SELENOV: variants seen among roughly 807,000 people sequenced by gnomAD.
The protein encoded by SELENOV is selenoprotein V.
In SELENOV, 25 loss-of-function variants were observed where a neutral mutation model predicts 21.6. The ratio of observed to expected loss-of-function variants is 1.16; its 90% CI spans 0.84 to 1.62. The LOEUF is 1.62. Among genes scored for constraint, SELENOV ranks in the 40% most tolerant of loss-of-function variants. The pLI, the probability that SELENOV is intolerant of heterozygous loss-of-function variation, is 0.00. For missense variants in SELENOV, 472 were observed against 459.0 expected, an observed-to-expected ratio of 1.03 and a Z score of -0.26; for synonymous variants, 227 against 216.9, an observed-to-expected ratio of 1.05 and a Z score of -0.41.
Position 39,515,179 on chromosome 19 carries a change from C to G in SELENOV, c.-34C>G. On this transcript the variant is annotated 5_prime_UTR_variant, in exon 1 of 6. Transcript: ENST00000335426. The surrounding 1 kb of genome is among the most constrained non-coding windows in gnomAD (Gnocchi z 5.1). ...CCAAAGAGGGAAGGCGGGCGGGACT[C>G]CCCAACCGGCTTGCCCCGGTCCCCC... is the stretch of plus-strand genomic sequence containing the variant. 2.2e-6 allele frequency: 3 copies of G among 1,361,136 alleles called. No individual in the cohort carries two copies. Among genetic ancestry groups the G allele is most frequent in the Non-Finnish European group, 3.1e-6 (3 of 982,734 alleles). The allele number at this position is 1,361,136 out of a possible 1,614,324, so 84.3% of individuals were successfully genotyped here. A position where few individuals can be genotyped will look rare whatever the true frequency, so the allele number is the denominator to read the frequency against.
Position 39,519,146 on chromosome 19 carries a change from T to G in SELENOV, c.1039T>G (p.Ter347GluextTer?), listed in dbSNP as rs377459414. The G allele has an allele frequency of 2.5e-5, 40 of 1,613,258 alleles. No individual in the cohort carries two copies. The African/African-American group carries it at 4.5e-4, about 18-fold the overall frequency. Reference sequence around the variant, plus strand: ...TATCGATGAGGAAATCAAGAAAAGGTAGCCGGCAAGGGGTGGAGCTGGAGG... The same window carrying G: ...TATCGATGAGGAAATCAAGAAAAGGGAGCCGGCAAGGGGTGGAGCTGGAGG... Residue 347 changes from the stop codon to glutamate (E), a stop_lost, in exon 5 of 6, where the codon TAG becomes GAG. Transcript: ENST00000335426.
chr19:39,518,524 G>A (rs145747546), intron 1 of SELENOV, 84 bp from the exon 2 acceptor site: 7 of 1,328,210 alleles, frequency 5.3e-6, no homozygotes, highest in South Asian at 1.3e-5. Flanking sequence ...GGTGTTCATA[G>A]GGTGCCCTGA....
chr19:39,515,457 C>A lies in SELENOV; in HGVS notation c.245C>A (p.Pro82His). ...CCCACTCCCGCTCTGGCCCGGATCC[C>A]CCGTCTGGTTCCGCCTCCTGCTCCG... The change falls in exon 1 of 6, where the codon CCC (proline) becomes CAC (histidine). Residue 82 changes from proline (P) to histidine (H), a missense_variant. Coordinates refer to ENST00000335426, the Ensembl canonical transcript of SELENOV. The surrounding 1 kb of genome is among the most constrained non-coding windows in gnomAD (Gnocchi z 5.1). 6.4e-7 allele frequency: 1 copy of A among 1,551,584 alleles called. No homozygotes were observed. Among genetic ancestry groups the A allele is most frequent in the Non-Finnish European group, 8.7e-7 (1 of 1,146,962 alleles).
At chr19:39,518,407 G>A in intron 1 of SELENOV, 2 of 619,926 alleles carry the variant, frequency 3.2e-6, no homozygotes, top group Non-Finnish European at 5.8e-6. Flanking sequence ...GGGGTGAGAA[G>A]GCAGATCCTG....
chr19:39,515,231 AC>A lies in SELENOV; in HGVS notation c.23del (p.Pro8GlnfsTer39). ...GGGCCCCATGAATAACCAGGCGCGG[AC>A]CCCAGCCCCCTCCTCGGCGCGGACT... is the stretch of plus-strand genomic sequence containing the variant. On this transcript the variant is annotated frameshift_variant, in exon 1 of 6. Transcript: ENST00000335426. LOFTEE classifies it high-confidence loss of function. The surrounding 1 kb of genome is among the most constrained non-coding windows in gnomAD (Gnocchi z 5.1). The A allele has an allele frequency of 6.5e-7, 1 of 1,548,498 alleles. No individual in the cohort carries two copies. Among genetic ancestry groups the A allele is most frequent in the African/African-American group, 1.4e-5 (1 of 72,746 alleles).
At chr19:39,519,132 A>C in exon 5 of SELENOV, 1 of 1,613,824 alleles carries the variant, frequency 6.2e-7, no homozygotes, top group Non-Finnish European at 8.5e-7. Flanking sequence ...ATCGATGAGG[A>C]AATCAAGAAA....
In SELENOV at chr19:39,515,558, C is replaced by T. The variant is rs1385637746; in HGVS notation, c.346C>T (p.Leu116=). Residue 116 remains leucine, a synonymous_variant, in exon 1 of 6, where the codon CTG becomes TTG. Coordinates refer to ENST00000335426, the Ensembl canonical transcript of SELENOV. The surrounding 1 kb of genome is among the most constrained non-coding windows in gnomAD (Gnocchi z 5.1). ...TCCGGTCCCGACTCCGGCTCGGACCCTGACTCCTCCAGTCCGGGTCCCAGC... is the reference window on the plus strand; with the variant it reads ...TCCGGTCCCGACTCCGGCTCGGACCTTGACTCCTCCAGTCCGGGTCCCAGC... 1.5e-5 allele frequency: 24 copies of T among 1,549,964 alleles called. No homozygotes were observed. Among genetic ancestry groups the T allele is most frequent in the Non-Finnish European group, 2.0e-5 (23 of 1,146,906 alleles).
chr19:39,517,992 G>T (rs1458400545), intron 1 of SELENOV, among the ~76,000 whole-genome samples: 1 of 26,384 alleles, frequency 3.8e-5, no homozygotes, highest in African/African-American at 1.4e-4. Flanking sequence ...AAAAAAAAAA[G>T]CCCAGCGCGG....
Position 39,519,054 on chromosome 19 carries a change from C to T in SELENOV, c.964-17C>T. On this transcript the variant is annotated splice_polypyrimidine_tract_variant and intron_variant, in intron 4 of 5. Coordinates refer to ENST00000335426, the Ensembl canonical transcript of SELENOV. Reference sequence around the variant, plus strand: ...TGGGGGTGGGAGACCTGTGTGCTTTCTTCCCTCTGTGCCCAGAGGGGTGAT... The same window carrying T: ...TGGGGGTGGGAGACCTGTGTGCTTTTTTCCCTCTGTGCCCAGAGGGGTGAT... 1 of 1,613,738 alleles carries T rather than the reference C, an allele frequency of 6.2e-7. No homozygotes were observed. The highest frequency in any genetic ancestry group is 8.5e-7 in the Non-Finnish European group (1 of 1,179,768).
chr19:39,516,587 G>A (rs1239974324), intron 1 of SELENOV, among the ~76,000 whole-genome samples: 5 of 152,072 alleles, frequency 3.3e-5, no homozygotes, highest in Admixed American at 3.3e-4. Context: ...GAGTGCAGTG[G>A]TGCAATCACT....
intron 1 of SELENOV, among the ~76,000 whole-genome samples, chr19:39,517,563 G>A (rs557459378): frequency 6.6e-6 from 1 of 152,276 alleles, no homozygotes; most frequent in Admixed American, 6.5e-5. Context: ...GTATATGAGC[G>A]AAGCCCTGAA....
chr19:39,515,237 G>T lies in SELENOV; in HGVS notation c.25G>T (p.Ala9Ser). ...CATGAATAACCAGGCGCGGACCCCA[G>T]CCCCCTCCTCGGCGCGGACTTCAAC... Residue 9 changes from alanine (A) to serine (S), a missense_variant, in exon 1 of 6, where the codon GCC (alanine) becomes TCC (serine). Coordinates refer to ENST00000335426, the Ensembl canonical transcript of SELENOV. The surrounding 1 kb of genome is among the most constrained non-coding windows in gnomAD (Gnocchi z 5.1). The T allele has an allele frequency of 6.5e-7, 1 of 1,549,832 alleles. No homozygotes were observed. Among genetic ancestry groups the T allele is most frequent in the Non-Finnish European group, 8.7e-7 (1 of 1,146,580 alleles).
In SELENOV at chr19:39,515,312, C is replaced by A. The variant is rs757168476; in HGVS notation, c.100C>A (p.Pro34Thr). 6.4e-7 allele frequency: 1 copy of A among 1,551,362 alleles called. No individual in the cohort carries two copies. Residue 34 changes from proline to threonine, a missense_variant, in exon 1 of 6, where the codon CCG (proline) becomes ACG (threonine). By Grantham distance (38) the Pro-to-Thr change is conservative. Transcript: ENST00000335426. This position sits in a 1 kb window ranked among gnomAD's most constrained non-coding sequence, Gnocchi z 5.1. ...CCGGACACCGACTCCACTCCGGACC[C>A]CGACTCCGGTCCGGACTCGGACCCC...
At position 39,515,671 on chromosome 19, in the gene SELENOV, GC is replaced by G; in HGVS notation, c.464del (p.Pro155ArgfsTer21). 6.5e-7 allele frequency: 1 copy of G among 1,548,408 alleles called. No homozygotes were observed. The stretch of plus-strand genomic sequence containing the variant: ...TGGCCCCGGCCCTACCTTTGGATCC[GC>G]CCCCGGAACCTGCTCCGGAGCTGCC... On this transcript the variant is annotated frameshift_variant, in exon 1 of 6. Coordinates refer to ENST00000335426, the Ensembl canonical transcript of SELENOV. LOFTEE classifies it high-confidence loss of function. This position sits in a 1 kb window ranked among gnomAD's most constrained non-coding sequence, Gnocchi z 5.1.
Position 39,515,727 on chromosome 19 carries a change from C to G in SELENOV, c.515C>G (p.Ala172Gly). Reference sequence around the variant, plus strand: ...TTGCCCGAGGAGGACCCTGAGCCGGCGCCGAGCCTGAAGCTCATCCCGTCG... The same window carrying G: ...TTGCCCGAGGAGGACCCTGAGCCGGGGCCGAGCCTGAAGCTCATCCCGTCG... Residue 172 changes from alanine to glycine, a missense_variant, in exon 1 of 6, where the codon GCG (alanine) becomes GGG (glycine). Physicochemically the swap from Ala to Gly is moderately conservative, Grantham distance 60. Coordinates refer to ENST00000335426, the Ensembl canonical transcript of SELENOV. This position sits in a 1 kb window ranked among gnomAD's most constrained non-coding sequence, Gnocchi z 5.1. The G allele has an allele frequency of 6.5e-7, 1 of 1,549,498 alleles. No homozygotes were observed. The highest frequency in any genetic ancestry group is 8.7e-7 in the Non-Finnish European group (1 of 1,146,690).
chr19:39,520,248 T>C (rs2079721674), exon 6 of SELENOV: 1 of 151,496 alleles, frequency 6.6e-6, no homozygotes, highest in African/African-American at 2.4e-5. Flanking sequence ...AAGAGGAGAA[T>C]ACATGCAGAG....
rs1365444116 is a variant in SELENOV at position 39,515,824 on chromosome 19, G to C, written c.612G>C (p.Gly204=). ...CCCCGCTGGCCGCGAACTCACCCGG[G>C]CCCACCCTGGACTTCACCTTCAGGG... is the stretch of plus-strand genomic sequence containing the variant. Residue 204 remains glycine (G), a synonymous_variant, in exon 1 of 6, where the codon GGG becomes GGC. Transcript: ENST00000335426. This position sits in a 1 kb window ranked among gnomAD's most constrained non-coding sequence, Gnocchi z 5.1. 3 of 1,550,648 alleles carry C rather than the reference G, an allele frequency of 1.9e-6. No homozygotes were observed. In the East Asian group the frequency reaches 7.3e-5, roughly 38 times the overall value.
chr19:39,516,037 A>G lies in SELENOV; in HGVS notation c.809+16A>G. ...TGACCTACTGGTGAGGACCTCACAC[A>G]TGCCTCTCCCAACCCCCGGGGACAG... On this transcript the variant is annotated intron_variant, in intron 1 of 5. Coordinates refer to ENST00000335426, the Ensembl canonical transcript of SELENOV. 6.4e-7 allele frequency: 1 copy of G among 1,563,638 alleles called. No individual in the cohort carries two copies. The highest frequency in any genetic ancestry group is 8.7e-7 in the Non-Finnish European group (1 of 1,154,064).
At position 39,515,263 on chromosome 19, in the gene SELENOV, C is replaced by T. The variant is rs76140888; in HGVS notation, c.51C>T (p.Thr17=). ...CCCCCTCCTCGGCGCGGACTTCAAC[C>T]TCAGTCCGGGCTTCTACCCCGACCC... Residue 17 remains threonine, a synonymous_variant, in exon 1 of 6, where the codon ACC becomes ACT. Transcript: ENST00000335426. This position sits in a 1 kb window ranked among gnomAD's most constrained non-coding sequence, Gnocchi z 5.1. 12,105 of 1,550,772 alleles carry T rather than the reference C, an allele frequency of 7.8e-3. 424 individuals are homozygous for T. In the East Asian group the frequency reaches 0.095, roughly 12 times the overall value.
Sources: allele counts gnomAD v4.1 joint callset (sites outside exome capture counted in the v4.1 genomes callset), GRCh38; gene constraint gnomAD v4.1.1; non-coding constraint Gnocchi (gnomAD v3.1); transcripts MANE v1.5; gene names NCBI Gene and HGNC (gene_info 2026-07-23, HGNC 2026-07-21).